Variants in DMD observed in about 807,000 individuals in gnomAD.
DMD encodes the protein dystrophin.
DMD carries 63 observed loss-of-function variants against 330.1 expected under a neutral mutation model. The observed-to-expected ratio is 0.19, with a 90% CI of 0.16 to 0.24. DMD has a LOEUF of 0.24. Among genes scored for constraint, DMD ranks in the 10% least tolerant of loss-of-function variants. The pLI is 1.00. For synonymous variants in DMD, 1,223 were observed against 959.8 expected (o/e 1.27, Z -5.07); for missense variants, 3,344 against 2,684.1 (o/e 1.25, Z -5.43).
intron 44 of DMD, among the ~76,000 whole-genome samples, chrX:32,084,710 C>G (rs951418057): frequency 9.0e-6 from 1 of 111,178 alleles, no homozygotes; most frequent in Non-Finnish European, 1.9e-5. Context: ...ATTACACTGC[C>G]GACTCTAACT....
intron 61 of DMD, among the ~76,000 whole-genome samples, chrX:31,340,990 G>A (rs1266123836): frequency 8.9e-6 from 1 of 111,826 alleles, no homozygotes; most frequent in Admixed American, 9.5e-5. Flanking sequence ...GCAAAACACT[G>A]GACTTTCAGA....
At chrX:32,150,965 A>T (rs1357401689) in intron 44 of DMD, among the ~76,000 whole-genome samples, 1 of 111,512 alleles carries the variant, frequency 9.0e-6, no homozygotes, top group Non-Finnish European at 1.9e-5. Context: ...GGAGAAGCAC[A>T]TGACACCTAA....
intron 61 of DMD, among the ~76,000 whole-genome samples, chrX:31,341,234 T>A (rs1299038260): frequency 8.9e-6 from 1 of 112,254 alleles, no homozygotes; most frequent in African/African-American, 3.2e-5. Context: ...ATTAACTGTT[T>A]GATCTTCACT....
intron 45 of DMD, among the ~76,000 whole-genome samples, chrX:31,943,630 T>C (rs1397295024): frequency 2.7e-5 from 3 of 111,426 alleles, no homozygotes; most frequent in East Asian, 5.6e-4. Flanking sequence ...AACTTTATCA[T>C]TTATTTTATA....
At chrX:33,026,427 T>C (rs2094007242) in intron 1 of DMD, among the ~76,000 whole-genome samples, 1 of 101,854 alleles carries the variant, frequency 9.8e-6, no homozygotes, top group Admixed American at 1.1e-4. Flanking sequence ...CCATCAAACA[T>C]GAGAAAAAAA....
intron 7 of DMD, among the ~76,000 whole-genome samples, chrX:32,709,821 TTTA>T (rs1347042957): frequency 9.0e-6 from 1 of 111,652 alleles, no homozygotes; most frequent in Non-Finnish European, 1.9e-5. Flanking sequence ...CATTATTATG[TTTA>T]TTTTTTATAT....
At chrX:32,559,720 T>G (rs766381451) in intron 16 of DMD, among the ~76,000 whole-genome samples, 1 of 112,017 alleles carries the variant, frequency 8.9e-6, no homozygotes, top group Non-Finnish European at 1.9e-5. Context: ...TTGGCATATT[T>G]CTATTTGCAT....
Position 32,097,295 on chromosome X carries a change from C to T in DMD, c.6438+119621G>A, listed in dbSNP as rs2096514653. Among the ~76,000 whole-genome samples, 3 of 110,749 alleles carry T rather than the reference C, an allele frequency of 2.7e-5. No individual in the cohort carries two copies. In the South Asian group the frequency reaches 1.2e-3, roughly 43 times the overall value. Reference sequence around the variant, plus strand: ...GCCTCGGTGTGTGATGTTCCCCTCCCGGTGTCCATGTGTTCTCATTGCTCA... The same window carrying T: ...GCCTCGGTGTGTGATGTTCCCCTCCTGGTGTCCATGTGTTCTCATTGCTCA... On this transcript the variant is annotated intron_variant, in intron 44 of 78. Transcript: ENST00000357033.
intron 43 of DMD, among the ~76,000 whole-genome samples, chrX:32,271,769 C>A (rs1418646839): frequency 9.0e-6 from 1 of 111,708 alleles, no homozygotes; most frequent in African/African-American, 3.2e-5. Flanking sequence ...ATATCCAGGT[C>A]TTAGATTATT....
At chrX:32,808,091 T>C (rs960185645) in intron 7 of DMD, among the ~76,000 whole-genome samples, 1 of 111,436 alleles carries the variant, frequency 9.0e-6, no homozygotes, top group Non-Finnish European at 1.9e-5. Context: ...GTACTACGAG[T>C]CAATAGTAAA....
chrX:32,756,102 A>AGC (rs1473735298), intron 7 of DMD: 11 of 112,388 alleles, frequency 9.8e-5, no homozygotes, highest in Non-Finnish European at 1.9e-4. Context: ...GCATAAATTA[A>AGC]ATCTTAGTAA....
intron 1 of DMD, chrX:33,128,187 C>T: frequency 8.3e-7 from 1 of 1,204,110 alleles, no homozygotes; most frequent in Non-Finnish European, 1.1e-6. Flanking sequence ...CGGAGGCTGG[C>T]TACACACCTT....
intron 39 of DMD, among the ~76,000 whole-genome samples, chrX:32,343,797 T>A (rs1042717685): frequency 5.4e-5 from 6 of 112,117 alleles, no homozygotes; most frequent in Admixed American, 9.5e-5. Flanking sequence ...CCATTAATAT[T>A]TTATGATTAG....
At chrX:32,708,733 T>C in intron 7 of DMD, among the ~76,000 whole-genome samples, 1 of 111,132 alleles carries the variant, frequency 9.0e-6, no homozygotes, top group Middle Eastern at 4.6e-3. Context: ...AGTGGACCAT[T>C]GGACAAACCA....
chrX:31,681,014 T>C (rs1231153720), intron 52 of DMD, among the ~76,000 whole-genome samples: 1 of 111,252 alleles, frequency 9.0e-6, no homozygotes, highest in East Asian at 2.8e-4. Flanking sequence ...ATTTCTCTCA[T>C]ATATAACTTC....
intron 2 of DMD, among the ~76,000 whole-genome samples, chrX:32,868,352 G>A (rs144781196): frequency 0.01 from 1,168 of 111,382 alleles, 24 homozygotes; most frequent in East Asian, 0.092. Context: ...GGCGGGGGCG[G>A]CCATCATCAC....
rs35476358 is a variant in DMD, at chrX:32,528,905, CTTT to C, written c.2169-10777_2169-10775del. ...CTTTCTGGACCAAACCAATGTATTT[CTTT>C]TTTTTTTTTTTTTTTTTAATTTTAT... On this transcript the variant is annotated intron_variant, in intron 17 of 78. Transcript: ENST00000357033. Among the ~76,000 whole-genome samples the C allele has an allele frequency of 7.3e-3, 438 of 59,842 alleles. 8 individuals carry two copies. Among genetic ancestry groups the C allele is most frequent in the African/African-American group, 0.028 (421 of 15,131 alleles). The allele number at this position is 59,842 out of a possible 115,157, so 52.0% of individuals were successfully genotyped here. A position where few individuals can be genotyped will look rare whatever the true frequency, so the allele number is the denominator to read the frequency against.
chrX:31,653,516 T>C (rs984556844), intron 54 of DMD, among the ~76,000 whole-genome samples: 1 of 110,045 alleles, frequency 9.1e-6, no homozygotes. Context: ...GATGAGTTTG[T>C]ACCTGGCTAG....
intron 44 of DMD, among the ~76,000 whole-genome samples, chrX:32,191,469 G>T (rs1255050832): frequency 1.8e-5 from 2 of 111,656 alleles, no homozygotes; most frequent in Non-Finnish European, 3.8e-5. Flanking sequence ...GAGAATAAGG[G>T]GATAATGGTT....
Sources: allele counts gnomAD v4.1 joint callset (sites outside exome capture counted in the v4.1 genomes callset), GRCh38; gene constraint gnomAD v4.1.1; transcripts MANE v1.5; gene names NCBI Gene and HGNC (gene_info 2026-07-23, HGNC 2026-07-21).